The following FREM2 variants were observed in gnomAD, a reference collection of about 807,000 sequenced individuals.
FREM2 encodes FRAS1 related extracellular matrix 2, also known as FRAS1-related extracellular matrix protein 2.
In FREM2, 119 loss-of-function variants were observed where a neutral mutation model predicts 219.9. The observed-to-expected ratio is 0.54, with a 90% confidence interval of 0.47 to 0.63. The LOEUF (loss-of-function observed/expected upper bound fraction) is 0.63. Ranked by LOEUF, FREM2 falls within the 30% of genes least tolerant of loss-of-function variation. The pLI is 0.00. For synonymous variants in FREM2, 1,562 were observed against 1,522.8 expected, an observed-to-expected ratio of 1.03 and a Z score of -0.60; for missense variants, 4,030 against 3,993.6, an observed-to-expected ratio of 1.01 and a Z score of -0.25.
intron 2 of FREM2, among the ~76,000 whole-genome samples, chr13:38,720,394 A>G (rs1163673737): frequency 1.3e-5 from 2 of 152,202 alleles, no homozygotes; most frequent in African/African-American, 4.8e-5. Context: ...TTCATAGTAT[A>G]TGCCAGCCAC....
chr13:38,699,630 C>T (rs1406886811), intron 2 of FREM2, among the ~76,000 whole-genome samples: 1 of 152,016 alleles, frequency 6.6e-6, no homozygotes. Context: ...TTCCTCTTTA[C>T]TGGCATAACA....
intron 2 of FREM2, among the ~76,000 whole-genome samples, chr13:38,737,123 G>A (rs1237242084): frequency 6.6e-6 from 1 of 152,164 alleles, no homozygotes; most frequent in Non-Finnish European, 1.5e-5. Context: ...GATTTCAGTA[G>A]TGTGTTCTGT....
chr13:38,714,876 A>C (rs1033654796), intron 2 of FREM2, among the ~76,000 whole-genome samples: 2 of 152,060 alleles, frequency 1.3e-5, no homozygotes, highest in Admixed American at 1.3e-4. Flanking sequence ...ACCTGAGGTC[A>C]GGAGTTCGAG....
intron 3 of FREM2, among the ~76,000 whole-genome samples, chr13:38,765,437 G>A (rs1014677023): frequency 6.6e-6 from 1 of 152,120 alleles, no homozygotes; most frequent in African/African-American, 2.4e-5. Flanking sequence ...AACTAAGGTG[G>A]CAATCTGGGA....
intron 2 of FREM2, among the ~76,000 whole-genome samples, chr13:38,737,203 T>C (rs911295741): frequency 1.1e-4 from 16 of 152,334 alleles, no homozygotes; most frequent in African/African-American, 3.8e-4. Context: ...GACCCTTGAA[T>C]GTGGCAAATT....
At position 38,689,364 on chromosome 13, in the gene FREM2, G is replaced by A; in HGVS notation, c.2020G>A (p.Val674Ile). The change falls in exon 1 of 24, where the codon GTC becomes ATC. Residue 674 changes from valine to isoleucine, a missense_variant. This residue lies in a region of FREM2 where 3,102 missense variants were observed against 2,950.7 expected (regional missense o/e 1.05). Transcript: ENST00000280481. ...AGTCACAGACCAGTTCACATTTAGA[G>A]TCCAGGATAACCATGACCCTCCTAA... ...GPVTDQFTFRVQDNHDPPNQS... is the reference protein window; with the variant it reads ...GPVTDQFTFRIQDNHDPPNQS... 1.2e-6 allele frequency: 2 copies of A among 1,614,110 alleles called. No homozygotes were observed. The highest frequency in any genetic ancestry group is 1.3e-5 in the African/African-American group (1 of 75,008).
At chr13:38,800,067 G>T (rs571695936) in intron 6 of FREM2, among the ~76,000 whole-genome samples, 1 of 151,810 alleles carries the variant, frequency 6.6e-6, no homozygotes, top group East Asian at 1.9e-4. Flanking sequence ...CCCTCTTATT[G>T]TTTGTCGTTG....
intron 3 of FREM2, 138 bp from the exon 4 acceptor site, chr13:38,769,440 C>G: frequency 5.3e-6 from 4 of 753,824 alleles, no homozygotes; most frequent in Non-Finnish European, 9.3e-6. Flanking sequence ...GACCCATTCC[C>G]AATTTTCCAT....
rs1401562195 is a variant in FREM2 at position 38,690,220 on chromosome 13, A to G, written c.2876A>G (p.Asn959Ser). ...GAGTCCTATCTAGATGTCTTAGAAA[A>G]TGGGGCTACTGAAATCACTGCCAAT... is the stretch of plus-strand genomic sequence containing the variant. ...TLESYLDVLE[N>S]GATEITANVI... The change falls in exon 1 of 24, where the codon AAT becomes AGT. Residue 959 changes from asparagine (N) to serine (S), a missense_variant. Asn to Ser is a conservative substitution (Grantham distance 46). Coordinates refer to ENST00000280481, the MANE Select transcript of FREM2 (RefSeq NM_207361.6). The G allele has an allele frequency of 1.9e-6, 3 of 1,614,054 alleles. No individual in the cohort carries two copies. The highest frequency in any genetic ancestry group is 1.3e-5 in the African/African-American group (1 of 74,934).
rs114845923 is a variant in FREM2, at chr13:38,769,202, A to G, written c.5411-376A>G. 6.0e-3 allele frequency among the ~76,000 whole-genome samples: 910 copies of G among 152,190 alleles called. 3 individuals are homozygous for G. The highest frequency in any genetic ancestry group is 7.2e-3 in the Non-Finnish European group (489 of 68,008). On this transcript the variant is annotated intron_variant, in intron 3 of 23. Coordinates refer to ENST00000280481, the MANE Select transcript of FREM2 (RefSeq NM_207361.6). ...TTAGAGAATGTTTCTTATTTTTTTT[A>G]TAATATCCAGGAACACATGCAAAAG... is the stretch of plus-strand genomic sequence containing the variant.
Position 38,690,890 on chromosome 13 carries a change from A to T in FREM2, c.3546A>T (p.Val1182=). 1 of 1,614,056 alleles carries T rather than the reference A, an allele frequency of 6.2e-7. No homozygotes were observed. The highest frequency in any genetic ancestry group is 2.2e-5 in the East Asian group (1 of 44,876). The part of the protein sequence containing the change: ...NFSERQFFPI[V]IIPTNDEQPE... ...CAGAGAGACAGTTCTTCCCCATTGT[A>T]ATCATTCCCACCAATGATGAACAGC... The change falls in exon 1 of 24, where the codon GTA becomes GTT. Residue 1182 remains valine, a synonymous_variant. Transcript: ENST00000280481.
At chr13:38,829,762 TAAAC>T (rs1439601866) in intron 6 of FREM2, among the ~76,000 whole-genome samples, 1 of 151,820 alleles carries the variant, frequency 6.6e-6, no homozygotes, top group Non-Finnish European at 1.5e-5. Flanking sequence ...TTTATTCAAA[TAAAC>T]AATAGATAGT....
At chr13:38,718,662 A>G (rs1050154121) in intron 2 of FREM2, among the ~76,000 whole-genome samples, 29 of 116,112 alleles carry the variant, frequency 2.5e-4, no homozygotes, top group African/African-American at 9.2e-4. Flanking sequence ...CTTTCACTAC[A>G]AAAAATTACT....
Position 38,690,610 on chromosome 13 carries a change from A to T in FREM2, c.3266A>T (p.His1089Leu), listed in dbSNP as rs139471973. The T allele has an allele frequency of 1.6e-4, 254 of 1,614,010 alleles. 1 individual carries two copies. In the African/African-American group the frequency reaches 3.2e-3, roughly 20 times the overall value. Reference sequence around the variant, plus strand: ...GATAAAAGTGTTATAACATCAGTGCATATAAGTGCTGAAGATGTCGACTCC... The same window carrying T: ...GATAAAAGTGTTATAACATCAGTGCTTATAAGTGCTGAAGATGTCGACTCC... ...EGDKSVITSV[H>L]ISAEDVDSLN... The change falls in exon 1 of 24, where the codon CAT (histidine) becomes CTT (leucine). Residue 1089 changes from histidine to leucine, a missense_variant. By Grantham distance (99) the His-to-Leu change is moderately conservative. Around this residue, in one of 2 missense-constraint regions of FREM2, gnomAD observed 3,102 missense variants for 2,950.7 expected, o/e 1.05. Coordinates refer to ENST00000280481, the MANE Select transcript of FREM2 (RefSeq NM_207361.6).
At chr13:38,833,421 T>A (rs2137890992) in intron 6 of FREM2, among the ~76,000 whole-genome samples, 1 of 152,274 alleles carries the variant, frequency 6.6e-6, no homozygotes, top group South Asian at 2.1e-4. Flanking sequence ...AGTTATTTTT[T>A]ATTCTCTGCT....
At chr13:38,831,372 A>C (rs1389536204) in intron 6 of FREM2, among the ~76,000 whole-genome samples, 1 of 152,110 alleles carries the variant, frequency 6.6e-6, no homozygotes, top group African/African-American at 2.4e-5. Flanking sequence ...TTCCAGAATG[A>C]AACTACATTG....
chr13:38,768,443 A>G (rs1873527957), intron 3 of FREM2, among the ~76,000 whole-genome samples: 1 of 151,782 alleles, frequency 6.6e-6, no homozygotes, highest in South Asian at 2.1e-4. Context: ...CACCCAGCTA[A>G]TTTTTGTCTT....
chr13:38,823,212 C>T (rs1196068358), intron 6 of FREM2, among the ~76,000 whole-genome samples: 2 of 151,912 alleles, frequency 1.3e-5, no homozygotes, highest in Admixed American at 6.6e-5. Context: ...TATTTTTCCT[C>T]GTCTGAACTG....
chr13:38,868,542 T>A (rs866675778), intron 16 of FREM2, among the ~76,000 whole-genome samples: 1 of 152,190 alleles, frequency 6.6e-6, no homozygotes, highest in African/African-American at 2.4e-5. Context: ...ATGGATATGG[T>A]CATGGATGCA....
Sources: gnomAD v4.1 joint callset for allele counts (sites outside exome capture counted in the v4.1 genomes callset) on GRCh38, gnomAD v4.1.1 for gene constraint, gnomAD v4.1.1 regional missense constraint, MANE v1.5 for transcripts, NCBI Gene and HGNC (gene_info 2026-07-23, HGNC 2026-07-21) for gene names.